Variants in SLC25A26 observed in about 807,000 individuals in gnomAD.
SLC25A26 encodes mitochondrial S-adenosylmethionine carrier protein.
A neutral mutation model predicts 37.8 loss-of-function variants in SLC25A26; 36 were observed. The observed-to-expected ratio is 0.95, with a 90% CI of 0.73 to 1.26. The LOEUF is 1.26. SLC25A26 is among the 50% of genes most tolerant of loss of function. The pLI, the probability that SLC25A26 is intolerant of heterozygous loss-of-function variation, is 0.00. For synonymous variants in SLC25A26, 129 were observed against 122.5 expected (o/e 1.05, Z -0.35); for missense variants, 390 against 331.1 (o/e 1.18, Z -1.38).
chr3:66,368,099 T>C (rs1398645746), intron 7 of SLC25A26, among the ~76,000 whole-genome samples: 1 of 152,204 alleles, frequency 6.6e-6, no homozygotes, highest in Non-Finnish European at 1.5e-5. Context: ...TATAATCTTA[T>C]TTCAGCATCA....
At chr3:66,137,052 TAAA>T (rs772983034) in intron 1 of SLC25A26, among the ~76,000 whole-genome samples, 1 of 152,118 alleles carries the variant, frequency 6.6e-6, no homozygotes, top group Non-Finnish European at 1.5e-5. Flanking sequence ...AAAGTTCAGT[TAAA>T]AATCAGTTGA....
At chr3:66,189,014 C>T (rs1357828399) in intron 1 of SLC25A26, among the ~76,000 whole-genome samples, 1 of 152,112 alleles carries the variant, frequency 6.6e-6, no homozygotes, top group East Asian at 1.9e-4. Flanking sequence ...TCCCAACTCA[C>T]ATCTGGATAC....
chr3:66,155,317 C>T (rs961995363), intron 1 of SLC25A26, among the ~76,000 whole-genome samples: 4 of 152,124 alleles, frequency 2.6e-5, no homozygotes, highest in Non-Finnish European at 5.9e-5. Flanking sequence ...CGAAACTAGC[C>T]TGGGCAATGT....
chr3:66,180,248 G>T (rs1559563883), intron 1 of SLC25A26, among the ~76,000 whole-genome samples: 1 of 152,104 alleles, frequency 6.6e-6, no homozygotes, highest in African/African-American at 2.4e-5. Context: ...TTTCCTCTGA[G>T]GCTTTTTTAA....
In SLC25A26 at chr3:66,135,664, G is replaced by T. The variant is rs147544812; in HGVS notation, c.-354+1680G>T. Among the ~76,000 whole-genome samples, 1,496 of 152,246 alleles carry T rather than the reference G, an allele frequency of 9.8e-3. 21 individuals carry two copies. Among genetic ancestry groups the T allele is most frequent in the South Asian group, 0.051 (248 of 4,824 alleles). ...TACTTGTAATCTCAGCTACTTGGGAGGCTAAAGTGGGAGGATCTCTCTTGA... is the reference window on the plus strand; with the variant it reads ...TACTTGTAATCTCAGCTACTTGGGATGCTAAAGTGGGAGGATCTCTCTTGA... On this transcript the variant is annotated intron_variant, in intron 1 of 10. Coordinates refer to the SLC25A26 transcript ENST00000676754.
chr3:66,242,303 A>G (rs558374394), intron 2 of SLC25A26, among the ~76,000 whole-genome samples: 20 of 152,308 alleles, frequency 1.3e-4, no homozygotes, highest in Admixed American at 8.5e-4. Context: ...AAATCACATG[A>G]AGAAACACAA....
chr3:66,266,645 C>T (rs1328069227), intron 5 of SLC25A26, among the ~76,000 whole-genome samples: 2 of 136,526 alleles, frequency 1.5e-5, no homozygotes, highest in Admixed American at 7.9e-5. Context: ...CTTACATTCT[C>T]TGAAATTATT....
chr3:66,240,389 A>G (rs1278043574), intron 2 of SLC25A26, among the ~76,000 whole-genome samples: 1 of 152,138 alleles, frequency 6.6e-6, no homozygotes, highest in African/African-American at 2.4e-5. Context: ...TCCCAGGCTC[A>G]GGTGATCCTC....
At chr3:66,153,222 G>A (rs1190137893) in intron 1 of SLC25A26, among the ~76,000 whole-genome samples, 1 of 152,040 alleles carries the variant, frequency 6.6e-6, no homozygotes, top group Non-Finnish European at 1.5e-5. Flanking sequence ...ATCTCATAAT[G>A]CACAGAAAAA....
chr3:66,328,828 T>C (rs754020679), intron 5 of SLC25A26, among the ~76,000 whole-genome samples: 19 of 152,136 alleles, frequency 1.2e-4, no homozygotes, highest in Non-Finnish European at 2.1e-4. Context: ...CCATTTAAAG[T>C]GTTTTAAGAA....
At chr3:66,279,179 T>G (rs548929566) in intron 5 of SLC25A26, among the ~76,000 whole-genome samples, 33 of 152,338 alleles carry the variant, frequency 2.2e-4, no homozygotes, top group African/African-American at 7.7e-4. Context: ...GCATTATTTT[T>G]AGGTATGACA....
At position 66,228,575 on chromosome 3, in the gene SLC25A26, G is replaced by T. The variant is rs565071035; in HGVS notation, c.33+7448G>T. 2.6e-5 allele frequency among the ~76,000 whole-genome samples: 4 copies of T among 152,304 alleles called. No individual in the cohort carries two copies. The South Asian group carries it at 8.3e-4, about 32-fold the overall frequency. ...AGATACATTTGTTGGCCTTTGCTGT[G>T]TTATTTGGGGTTGAATGCCTGAAAA... On this transcript the variant is annotated intron_variant, in intron 1 of 9. Transcript: ENST00000354883.
At chr3:66,303,657 T>A (rs1213544895) in intron 5 of SLC25A26, among the ~76,000 whole-genome samples, 1 of 152,170 alleles carries the variant, frequency 6.6e-6, no homozygotes, top group Non-Finnish European at 1.5e-5. Flanking sequence ...CAGTAGATGA[T>A]TGTTAGCTTT....
rs2074265610 is a variant in SLC25A26 at position 66,279,476 on chromosome 3, A to G, written c.453+16097A>G. ...GCTTTCAGATATGAAAAATATAAGA[A>G]TTTAGTCCATTTGTTTGAAGGCTTT... On this transcript the variant is annotated intron_variant, in intron 5 of 9. Coordinates refer to ENST00000354883, the MANE Select transcript of SLC25A26 (RefSeq NM_001379210.1). 2.6e-5 allele frequency among the ~76,000 whole-genome samples: 4 copies of G among 152,246 alleles called. No homozygotes were observed. In the South Asian group the frequency reaches 8.3e-4, roughly 32 times the overall value.
chr3:66,209,897 T>TC (rs1491157842), intron 1 of SLC25A26, among the ~76,000 whole-genome samples: 25 of 38,366 alleles, frequency 6.5e-4, no homozygotes, highest in African/African-American at 2.4e-3. Flanking sequence ...TCTCTCTCTA[T>TC]TTATATATAT....
At position 66,172,960 on chromosome 3, in the gene SLC25A26, G is replaced by C. The variant is rs150632972; in HGVS notation, c.-354+38976G>C. On this transcript the variant is annotated intron_variant, in intron 1 of 10. Transcript: ENST00000676754. ...TTTCCAAATAAGGTCACATTCTGAG[G>C]AACAGAAGGTTAGGGCTTCAACATA... 1.2e-3 allele frequency among the ~76,000 whole-genome samples: 188 copies of C among 152,272 alleles called. 2 individuals carry two copies. The highest frequency in any genetic ancestry group is 4.5e-3 in the African/African-American group (185 of 41,564).
intron 1 of SLC25A26, among the ~76,000 whole-genome samples, chr3:66,214,555 A>G (rs2071332980): frequency 6.6e-6 from 1 of 152,080 alleles, no homozygotes; most frequent in Admixed American, 6.5e-5. Context: ...TTTAATTTTC[A>G]TTTCGATGTT....
At chr3:66,138,034 A>C (rs1317425663) in intron 1 of SLC25A26, among the ~76,000 whole-genome samples, 3 of 151,820 alleles carry the variant, frequency 2.0e-5, no homozygotes, top group Admixed American at 6.6e-5. Context: ...GGGTTTCACT[A>C]TGTTGGCCAG....
chr3:66,293,823 G>A (rs536855196), intron 5 of SLC25A26, among the ~76,000 whole-genome samples: 9 of 152,190 alleles, frequency 5.9e-5, no homozygotes, highest in Non-Finnish European at 1.3e-4. Flanking sequence ...TGTCTTTGCT[G>A]TTGTGAATAG....
Sources: gnomAD v4.1 joint callset for allele counts (sites outside exome capture counted in the v4.1 genomes callset) on GRCh38, gnomAD v4.1.1 for gene constraint, MANE v1.5 for transcripts, NCBI Gene and HGNC (gene_info 2026-07-23, HGNC 2026-07-21) for gene names.